MEF2A: variants seen among roughly 807,000 people sequenced by gnomAD.
MEF2A encodes the protein myocyte-specific enhancer factor 2A.
A neutral mutation model predicts 55.8 loss-of-function variants in MEF2A; 28 were observed. The observed-to-expected ratio is 0.50, with a 90% confidence interval of 0.37 to 0.69. The LOEUF is 0.69. Ranked by LOEUF, MEF2A falls within the 30% of genes least tolerant of loss-of-function variation. MEF2A has a pLI of 0.00. For missense variants in MEF2A, 528 were observed against 626.2 expected, an observed-to-expected ratio of 0.84 and a Z score of 1.67; for synonymous variants, 239 against 227.1, an observed-to-expected ratio of 1.05 and a Z score of -0.47.
At chr15:99,646,151 A>C (rs1312458613) in intron 4 of MEF2A, among the ~76,000 whole-genome samples, 1 of 152,184 alleles carries the variant, frequency 6.6e-6, no homozygotes, top group Non-Finnish European at 1.5e-5. Context: ...TAAACACTTA[A>C]GAAAACAATG....
At chr15:99,617,211 A>G (rs1292160170) in intron 2 of MEF2A, among the ~76,000 whole-genome samples, 1 of 151,788 alleles carries the variant, frequency 6.6e-6, no homozygotes, top group African/African-American at 2.4e-5. Context: ...AGAAACAGTC[A>G]ACTTCAGAAC....
chr15:99,682,826 A>G (rs111406118), intron 7 of MEF2A, among the ~76,000 whole-genome samples: 9 of 152,204 alleles, frequency 5.9e-5, no homozygotes, highest in Non-Finnish European at 8.8e-5. Flanking sequence ...GCTCTGAATT[A>G]TATATTTTTG....
At chr15:99,595,219 A>G (rs1970750774) in intron 1 of MEF2A, among the ~76,000 whole-genome samples, 1 of 152,202 alleles carries the variant, frequency 6.6e-6, no homozygotes, top group South Asian at 2.1e-4. Context: ...AGGTAATGAC[A>G]TGTAAAGCAA....
chr15:99,598,669 G>A (rs528778886), intron 2 of MEF2A, among the ~76,000 whole-genome samples, 158 bp downstream of exon 2: 9 of 152,168 alleles, frequency 5.9e-5, no homozygotes, highest in Non-Finnish European at 1.2e-4. Context: ...TGTAAAATTC[G>A]GTTGAAATGC....
At chr15:99,616,328 G>A (rs922744859) in intron 2 of MEF2A, among the ~76,000 whole-genome samples, 1 of 152,024 alleles carries the variant, frequency 6.6e-6, no homozygotes, top group African/African-American at 2.4e-5. Flanking sequence ...TTGATGACTG[G>A]GTTTTTTTTG....
intron 9 of MEF2A, 31 bp downstream of exon 9, chr15:99,703,416 G>GAA: frequency 1.3e-6 from 2 of 1,584,984 alleles, no homozygotes; most frequent in South Asian, 2.3e-5. Flanking sequence ...GAAGGAAGTT[G>GAA]AAAAAGATGT....
intron 9 of MEF2A, 103 bp from the exon 10 acceptor site, chr15:99,706,626 A>C: frequency 7.7e-7 from 1 of 1,290,480 alleles, no homozygotes; most frequent in South Asian, 1.2e-5. Context: ...TCAGAAAATG[A>C]CATTCATATG....
intron 4 of MEF2A, among the ~76,000 whole-genome samples, chr15:99,660,947 TGAA>T (rs1257293364): frequency 3.3e-5 from 5 of 152,148 alleles, no homozygotes; most frequent in African/African-American, 1.2e-4. Context: ...CAGAAGACAC[TGAA>T]GAAGAACAAG....
intron 2 of MEF2A, among the ~76,000 whole-genome samples, chr15:99,627,568 C>T (rs1455367063): frequency 6.6e-6 from 1 of 151,540 alleles, no homozygotes; most frequent in Non-Finnish European, 1.5e-5. Context: ...TCACAAAACT[C>T]AGTAGTCTAA....
chr15:99,585,436 T>C (rs974029547), intron 1 of MEF2A, among the ~76,000 whole-genome samples: 5 of 152,242 alleles, frequency 3.3e-5, no homozygotes, highest in Non-Finnish European at 5.9e-5. Context: ...TATCTATTTA[T>C]ATGTTTTGAA....
At chr15:99,692,670 C>T (rs535861965) in intron 8 of MEF2A, among the ~76,000 whole-genome samples, 3 of 152,128 alleles carry the variant, frequency 2.0e-5, no homozygotes, top group Non-Finnish European at 4.4e-5. Flanking sequence ...CCGTGAATCC[C>T]ATGGGGTGCT....
chr15:99,568,757 T>A (rs1250688505), intron 1 of MEF2A, among the ~76,000 whole-genome samples: 1 of 152,192 alleles, frequency 6.6e-6, no homozygotes, highest in Non-Finnish European at 1.5e-5. Flanking sequence ...TAATATACGA[T>A]GATGATGGGC....
At chr15:99,631,479 G>A (rs11247118) in intron 2 of MEF2A, among the ~76,000 whole-genome samples, 63,296 of 151,880 alleles carry the variant, frequency 0.42, 14,867 homozygotes, top group Middle Eastern at 0.61. Flanking sequence ...TCTCATACTC[G>A]AGTTTGAGTA....
intron 1 of MEF2A, among the ~76,000 whole-genome samples, chr15:99,589,949 A>G (rs1011450586): frequency 6.6e-5 from 10 of 152,088 alleles, no homozygotes; most frequent in African/African-American, 2.2e-4. Flanking sequence ...ACCAAGACAC[A>G]TGTACATTTT....
chr15:99,619,630 A>G (rs1380282147), intron 2 of MEF2A, among the ~76,000 whole-genome samples: 1 of 152,230 alleles, frequency 6.6e-6, no homozygotes, highest in Non-Finnish European at 1.5e-5. Flanking sequence ...TTCACATCAT[A>G]AATGTTAATG....
intron 7 of MEF2A, 136 bp from the exon 8 acceptor site, chr15:99,690,105 A>T (rs942449203): frequency 1.3e-6 from 1 of 778,250 alleles, no homozygotes; most frequent in Non-Finnish European, 2.0e-6. Flanking sequence ...AGCATTTCGG[A>T]CAAGGGATAC....
At chr15:99,610,722 G>A (rs1014464191) in intron 2 of MEF2A, among the ~76,000 whole-genome samples, 1 of 152,086 alleles carries the variant, frequency 6.6e-6, no homozygotes, top group Non-Finnish European at 1.5e-5. Context: ...GAGGGAAATA[G>A]CCTTTTTAAC....
intron 4 of MEF2A, among the ~76,000 whole-genome samples, chr15:99,670,326 G>T (rs573497331): frequency 1.3e-5 from 2 of 152,048 alleles, no homozygotes; most frequent in Non-Finnish European, 2.9e-5. Context: ...TCTCCAGAAA[G>T]GGCTGGGCAC....
chr15:99,664,943 C>A (rs997328878), intron 4 of MEF2A, among the ~76,000 whole-genome samples: 4 of 152,004 alleles, frequency 2.6e-5, no homozygotes, highest in Admixed American at 6.6e-5. Flanking sequence ...ACAGTAAGAT[C>A]ATAAACAGAG....
Sources: gnomAD v4.1 joint callset for allele counts (sites outside exome capture counted in the v4.1 genomes callset) on GRCh38, gnomAD v4.1.1 for gene constraint, MANE v1.5 for transcripts, NCBI Gene and HGNC (gene_info 2026-07-23, HGNC 2026-07-21) for gene names.